The following ELP4 variants were observed in gnomAD, a reference collection of about 807,000 sequenced individuals.
The protein encoded by ELP4 is elongator complex protein 4.
In ELP4, 51 loss-of-function variants were observed where a neutral mutation model predicts 48.9. The ratio of observed to expected loss-of-function variants is 1.04; its 90% CI spans 0.83 to 1.32. The LOEUF is 1.32. Among genes scored for constraint, ELP4 ranks in the 40% most tolerant of loss-of-function variants. The probability of loss-of-function intolerance (pLI) is 0.00; values close to 1 mark genes in which losing one functional copy is unlikely to be tolerated. For missense variants in ELP4, 519 were observed against 514.6 expected (o/e 1.01, Z -0.08); for synonymous variants, 210 against 189.2 (o/e 1.11, Z -0.90).
intron 9 of ELP4, among the ~76,000 whole-genome samples, chr11:31,760,776 C>T (rs1004704595): frequency 6.6e-6 from 1 of 152,130 alleles, no homozygotes; most frequent in Admixed American, 6.5e-5. Flanking sequence ...AACCCTATTA[C>T]GTTATGATTA....
At position 31,678,153 on chromosome 11, in the gene ELP4, A is replaced by G. The variant is rs75993874; in HGVS notation, c.1143+27932A>G. 9.0e-3 allele frequency among the ~76,000 whole-genome samples: 1,376 copies of G among 152,218 alleles called. 15 individuals are homozygous for G. The highest frequency in any genetic ancestry group is 0.027 in the African/African-American group (1,131 of 41,514). ...TCATATTGGCTTTTTTCCCTTAGCAATATGCATTTAAGGCCAGGTACAGTG... is the reference window on the plus strand; with the variant it reads ...TCATATTGGCTTTTTTCCCTTAGCAGTATGCATTTAAGGCCAGGTACAGTG... On this transcript the variant is annotated intron_variant, in intron 9 of 9. Coordinates refer to ENST00000640961, the MANE Select transcript of ELP4 (RefSeq NM_019040.5).
chr11:31,702,657 G>C (rs1946550625), intron 9 of ELP4, among the ~76,000 whole-genome samples: 1 of 152,006 alleles, frequency 6.6e-6, no homozygotes, highest in South Asian at 2.1e-4. Flanking sequence ...TTAGCATTTA[G>C]TCTTTAACCT....
chr11:31,629,909 G>T (rs1944823086), intron 6 of ELP4, among the ~76,000 whole-genome samples: 1 of 151,150 alleles, frequency 6.6e-6, no homozygotes. Context: ...TAAATTCTGA[G>T]GTTTTAAATA....
At chr11:31,703,858 AAGAATATGGC>A (rs1279410598) in intron 9 of ELP4, among the ~76,000 whole-genome samples, 5 of 152,242 alleles carry the variant, frequency 3.3e-5, no homozygotes. Context: ...ACTGAAGGCC[AAGAATATGGC>A]AGAAAATAGA....
At chr11:31,754,088 C>A (rs780036290) in intron 9 of ELP4, among the ~76,000 whole-genome samples, 18 of 152,242 alleles carry the variant, frequency 1.2e-4, no homozygotes, top group Non-Finnish European at 2.2e-4. Context: ...CCAAATCTAG[C>A]CACTTCTTAC....
rs1034209708 is a variant in ELP4, at chr11:31,785,217, T to C, written c.*1693T>C. On this transcript the variant is annotated 3_prime_UTR_variant, in exon 10 of 10. Transcript: ENST00000640961. ...GCTCTGCTATGTCCTTTGAAAGCAT[T>C]ATGAACATTCTGAATAAATTCAAAT... 1 of 183,384 alleles carries C rather than the reference T, an allele frequency of 5.5e-6. No individual in the cohort carries two copies. Among genetic ancestry groups the C allele is most frequent in the African/African-American group, 2.3e-5 (1 of 42,564 alleles). 11.4% of individuals were successfully genotyped at this position (183,384 alleles called of 1,614,324 possible).
chr11:31,711,276 G>T (rs1378224016), intron 9 of ELP4, among the ~76,000 whole-genome samples: 1 of 152,154 alleles, frequency 6.6e-6, no homozygotes, highest in Non-Finnish European at 1.5e-5. Context: ...GTACCATGTG[G>T]TAGTGTTAAG....
intron 2 of ELP4, among the ~76,000 whole-genome samples, chr11:31,533,825 T>TTTTTGTTTTGTTTTG (rs370134447): frequency 6.6e-6 from 1 of 151,634 alleles, no homozygotes; most frequent in South Asian, 2.1e-4. Context: ...GTTTTTTTTG[T>TTTTTGTTTTGTTTTG]TTTTGTTTTG....
chr11:31,613,915 T>C (rs1049046027), intron 5 of ELP4, among the ~76,000 whole-genome samples: 5 of 151,972 alleles, frequency 3.3e-5, no homozygotes, highest in African/African-American at 1.2e-4. Context: ...TTCACCATGT[T>C]GGCCAGGCTG....
At chr11:31,775,282 C>T (rs1948221988) in intron 9 of ELP4, among the ~76,000 whole-genome samples, 3 of 152,312 alleles carry the variant, frequency 2.0e-5, no homozygotes, top group South Asian at 4.1e-4. Flanking sequence ...TGGCCTACAG[C>T]ATGCCTCCTT....
chr11:31,652,263 CTTAT>C lies in ELP4; in HGVS notation c.1143+2046_1143+2049del, dbSNP rs1269012138. On this transcript the variant is annotated intron_variant, in intron 9 of 9. Coordinates refer to ENST00000640961, the MANE Select transcript of ELP4 (RefSeq NM_019040.5). ...ATATAAATATACACATTCTAAATAA[CTTAT>C]TTACTTAAGCCATAATACTCAATTT... 2.6e-5 allele frequency: 4 copies of C among 151,518 alleles called. No homozygotes were observed. In the East Asian group the frequency reaches 7.8e-4, roughly 29 times the overall value. The allele number at this position is 151,518 out of a possible 1,614,324, so 9.4% of individuals were successfully genotyped here.
At chr11:31,761,489 C>T (rs893867325) in intron 9 of ELP4, among the ~76,000 whole-genome samples, 1 of 152,046 alleles carries the variant, frequency 6.6e-6, no homozygotes, top group African/African-American at 2.4e-5. Context: ...AGAATTTCAA[C>T]CTGTTACATA....
chr11:31,707,988 G>T lies in ELP4; in HGVS notation c.1143+57767G>T, dbSNP rs953705679. On this transcript the variant is annotated intron_variant, in intron 9 of 9. Transcript: ENST00000640961. ...CCTTGCTATGTAAAGTAACATTCAC[G>T]GATTCCAGGAATTAGGACATGTACA... 5.3e-5 allele frequency among the ~76,000 whole-genome samples: 8 copies of T among 152,098 alleles called. No individual in the cohort carries two copies. The East Asian group carries it at 1.5e-3, about 29-fold the overall frequency.
rs1389745806 is a variant in ELP4, at chr11:31,789,346, A to G, written c.*5822A>G. On this transcript the variant is annotated 3_prime_UTR_variant, in exon 10 of 10. Coordinates refer to ENST00000640961, the MANE Select transcript of ELP4 (RefSeq NM_019040.5). ...AACTTTTTTTCTTCCTTGAATTTAT[A>G]TCTTACCCTTTTTTGCACATAAACT... 8 of 267,258 alleles carry G rather than the reference A, an allele frequency of 3.0e-5. No homozygotes were observed. Among genetic ancestry groups the G allele is most frequent in the African/African-American group, 1.5e-4 (7 of 46,152 alleles). 16.6% of individuals were successfully genotyped at this position (267,258 alleles called of 1,614,324 possible).
chr11:31,683,974 C>T (rs1489216374), intron 9 of ELP4, among the ~76,000 whole-genome samples: 1 of 152,070 alleles, frequency 6.6e-6, no homozygotes, highest in African/African-American at 2.4e-5. Context: ...CAGTGATTAT[C>T]AGTAATATTT....
chr11:31,681,886 GC>G, intron 9 of ELP4: 1 of 271,518 alleles, frequency 3.7e-6, no homozygotes, highest in Non-Finnish European at 7.3e-6. Flanking sequence ...GATTACAGGC[GC>G]CCACCACCAC....
chr11:31,565,477 C>T (rs7113174), intron 3 of ELP4, among the ~76,000 whole-genome samples: 1 of 140,342 alleles, frequency 7.1e-6, no homozygotes, highest in African/African-American at 2.9e-5. Flanking sequence ...GTATTGCCTA[C>T]GTTTTCTTCT....
intron 3 of ELP4, among the ~76,000 whole-genome samples, chr11:31,574,032 A>G (rs1957228102): frequency 6.6e-6 from 1 of 152,358 alleles, no homozygotes; most frequent in Admixed American, 6.5e-5. Context: ...GTTGCCCTTA[A>G]TGATCTCATA....
chr11:31,567,114 G>A (rs1224247744), intron 3 of ELP4, among the ~76,000 whole-genome samples: 2 of 151,724 alleles, frequency 1.3e-5, no homozygotes, highest in Admixed American at 6.6e-5. Context: ...TGTATTTTTA[G>A]TAGAGATGGG....
Sources: allele counts gnomAD v4.1 joint callset (sites outside exome capture counted in the v4.1 genomes callset), GRCh38; gene constraint gnomAD v4.1.1; transcripts MANE v1.5; gene names NCBI Gene and HGNC (gene_info 2026-07-23, HGNC 2026-07-21).